The following ADGRL2 variants were observed in gnomAD, a reference collection of about 807,000 sequenced individuals.
ADGRL2 encodes the protein adhesion G protein-coupled receptor L2.
Under a neutral mutation model 157.4 loss-of-function variants are expected in ADGRL2, and 44 were observed. The ratio of observed to expected loss-of-function variants is 0.28; its 90% CI spans 0.22 to 0.36. ADGRL2 has a LOEUF of 0.36. ADGRL2 is among the 10% of genes least tolerant of loss of function. The pLI, the probability that ADGRL2 is intolerant of heterozygous loss-of-function variation, is 1.00. For missense variants in ADGRL2, 1,510 were observed against 1,768.9 expected (o/e 0.85, Z 2.63); for synonymous variants, 585 against 624.7 (o/e 0.94, Z 0.95).
chr1:81,479,208 C>T lies in ADGRL2; in HGVS notation c.-248+34119C>T, dbSNP rs1331004310. Among the ~76,000 whole-genome samples the T allele has an allele frequency of 2.6e-5, 4 of 151,398 alleles. No homozygotes were observed. The East Asian group carries it at 7.8e-4, about 29-fold the overall frequency. On this transcript the variant is annotated intron_variant, in intron 2 of 24. Transcript: ENST00000370721. Reference sequence around the variant, plus strand: ...TTCTTATAGGCTGGGTGTGGTGGCTCATGCCTGTAATCCCAGCACTTTGGG... The same window carrying T: ...TTCTTATAGGCTGGGTGTGGTGGCTTATGCCTGTAATCCCAGCACTTTGGG...
chr1:81,948,014 C>T (rs973616953), intron 6 of ADGRL2, among the ~76,000 whole-genome samples: 11 of 152,064 alleles, frequency 7.2e-5, no homozygotes, highest in African/African-American at 2.4e-4. Flanking sequence ...GTCAGGAGAT[C>T]GAGACCATCC....
intron 2 of ADGRL2, among the ~76,000 whole-genome samples, chr1:81,574,713 G>C (rs1025280622): frequency 1.3e-5 from 2 of 152,146 alleles, no homozygotes; most frequent in African/African-American, 2.4e-5. Flanking sequence ...TCATTTCACT[G>C]CTTTAGTGGG....
At position 81,537,683 on chromosome 1, in the gene ADGRL2, CT is replaced by C. The variant is rs908607109; in HGVS notation, c.-247-43185del. ...CTTATGCTAGGCCTGTCTTCTTTTT[CT>C]TTTTTTTCTTTCTTTTTCTCTCTTT... On this transcript the variant is annotated intron_variant, in intron 2 of 24. Coordinates refer to the ADGRL2 transcript ENST00000370721. 2.6e-5 allele frequency among the ~76,000 whole-genome samples: 4 copies of C among 151,212 alleles called. No homozygotes were observed. In the East Asian group the frequency reaches 7.8e-4, roughly 29 times the overall value.
At chr1:81,388,135 A>G (rs1209368112) in intron 1 of ADGRL2, among the ~76,000 whole-genome samples, 1 of 152,152 alleles carries the variant, frequency 6.6e-6, no homozygotes, top group Non-Finnish European at 1.5e-5. Context: ...TAATTATAGC[A>G]ATAATAGTTT....
chr1:81,522,998 T>C (rs2079359324), intron 2 of ADGRL2, among the ~76,000 whole-genome samples: 1 of 152,124 alleles, frequency 6.6e-6, no homozygotes, highest in South Asian at 2.1e-4. Flanking sequence ...GTAAAGTGGT[T>C]GAGGCTACAA....
At chr1:81,394,188 T>A (rs1357672060) in intron 1 of ADGRL2, among the ~76,000 whole-genome samples, 1 of 152,142 alleles carries the variant, frequency 6.6e-6, no homozygotes, top group Admixed American at 6.5e-5. Flanking sequence ...TATATATGTG[T>A]TATTATTTAT....
chr1:81,690,454 C>T (rs754123962), intron 3 of ADGRL2, among the ~76,000 whole-genome samples: 2 of 152,242 alleles, frequency 1.3e-5, no homozygotes, highest in East Asian at 1.9e-4. Context: ...CAAGATCTCA[C>T]CACTGCACTC....
chr1:81,759,918 A>G (rs2085815218), intron 1 of ADGRL2, among the ~76,000 whole-genome samples: 1 of 152,108 alleles, frequency 6.6e-6, no homozygotes, highest in Non-Finnish European at 1.5e-5. Context: ...TGACATTTGA[A>G]CACTGGAGGT....
rs531615343 is a variant in ADGRL2 at position 81,460,197 on chromosome 1, T to C, written c.-248+15108T>C. Among the ~76,000 whole-genome samples, 13 of 152,012 alleles carry C rather than the reference T, an allele frequency of 8.6e-5. No individual in the cohort carries two copies. The East Asian group carries it at 2.3e-3, about 27-fold the overall frequency. On this transcript the variant is annotated intron_variant, in intron 2 of 24. Coordinates refer to the ADGRL2 transcript ENST00000370721. ...CTTTCCCATGCAGATGCTTTTTAGT[T>C]TGATGTCCTCCCATTTGCCTATTTT...
intron 1 of ADGRL2, among the ~76,000 whole-genome samples, chr1:81,807,838 T>A (rs1458385216): frequency 6.6e-6 from 1 of 151,830 alleles, no homozygotes; most frequent in East Asian, 1.9e-4. Flanking sequence ...GAGATCCTAA[T>A]CAAAAATATT....
intron 2 of ADGRL2, among the ~76,000 whole-genome samples, chr1:81,527,930 G>C (rs1047930971): frequency 2.6e-5 from 4 of 151,538 alleles, no homozygotes; most frequent in African/African-American, 9.7e-5. Context: ...AGCCGGGTGC[G>C]GTTGCATGCA....
intron 1 of ADGRL2, among the ~76,000 whole-genome samples, chr1:81,437,956 A>G (rs2077438746): frequency 6.6e-6 from 1 of 152,038 alleles, no homozygotes; most frequent in Admixed American, 6.6e-5. Flanking sequence ...GCCTACTATT[A>G]GTCACCTATG....
chr1:81,345,982 T>C (rs1662453761), intron 1 of ADGRL2, among the ~76,000 whole-genome samples: 1 of 152,228 alleles, frequency 6.6e-6, no homozygotes, highest in Non-Finnish European at 1.5e-5. Flanking sequence ...CTAGCCTCTA[T>C]TGTCTCACAT....
intron 1 of ADGRL2, among the ~76,000 whole-genome samples, chr1:81,350,573 G>A (rs538709064): frequency 3.9e-5 from 6 of 152,084 alleles, no homozygotes; most frequent in African/African-American, 1.4e-4. Context: ...ATTTAAAGAG[G>A]GAATTCCTTC....
intron 1 of ADGRL2, among the ~76,000 whole-genome samples, chr1:81,439,600 C>T (rs764573775): frequency 3.3e-5 from 5 of 152,220 alleles, no homozygotes; most frequent in South Asian, 2.1e-4. Flanking sequence ...AAACTCTGTG[C>T]GGGGCCCATG....
chr1:81,386,074 G>T (rs1344350207), intron 1 of ADGRL2, among the ~76,000 whole-genome samples: 3 of 151,976 alleles, frequency 2.0e-5, no homozygotes, highest in Non-Finnish European at 2.9e-5. Flanking sequence ...CAATCTATTA[G>T]GTTTCAATGT....
At chr1:81,753,923 G>T (rs1430029209) in intron 1 of ADGRL2, among the ~76,000 whole-genome samples, 2 of 152,266 alleles carry the variant, frequency 1.3e-5, no homozygotes, top group South Asian at 2.1e-4. Flanking sequence ...ATATATGATG[G>T]TGCATGTTTT....
intron 3 of ADGRL2, among the ~76,000 whole-genome samples, chr1:81,910,006 G>A (rs1042747774): frequency 3.2e-4 from 49 of 151,968 alleles, no homozygotes; most frequent in African/African-American, 1.0e-3. Context: ...TTGCGAGGCC[G>A]AGGCAGGTGG....
intron 1 of ADGRL2, among the ~76,000 whole-genome samples, chr1:81,379,914 TG>T (rs1332252554): frequency 6.6e-6 from 1 of 152,184 alleles, no homozygotes; most frequent in African/African-American, 2.4e-5. Context: ...CCTAGGTCCG[TG>T]GGGGTAGAGC....
Sources: allele counts gnomAD v4.1 joint callset (sites outside exome capture counted in the v4.1 genomes callset), GRCh38; gene constraint gnomAD v4.1.1; transcripts MANE v1.5; gene names NCBI Gene and HGNC (gene_info 2026-07-23, HGNC 2026-07-21).